Variants in PGBD5 observed in about 807,000 individuals in gnomAD.
PGBD5 encodes the protein piggyBac transposable element-derived protein 5.
PGBD5 carries 14 observed loss-of-function variants against 47.9 expected under a neutral mutation model. The observed-to-expected ratio is 0.29, with a 90% confidence interval of 0.19 to 0.46. PGBD5 has a LOEUF of 0.46. Among genes scored for constraint, PGBD5 ranks in the 20% least tolerant of loss-of-function variants. PGBD5 has a pLI of 1.00. For synonymous variants in PGBD5, 316 were observed against 306.3 expected (o/e 1.03, Z -0.33); for missense variants, 635 against 716.0 (o/e 0.89, Z 1.29).
intron 3 of PGBD5, among the ~76,000 whole-genome samples, chr1:230,339,442 G>A (rs1667377628): frequency 1.3e-5 from 2 of 152,180 alleles, no homozygotes; most frequent in Middle Eastern, 3.2e-3. Flanking sequence ...ACGGCAAACA[G>A]TATGGAAGTT....
intron 3 of PGBD5, among the ~76,000 whole-genome samples, chr1:230,338,049 A>T (rs1667353800): frequency 6.6e-6 from 1 of 152,264 alleles, no homozygotes; most frequent in African/African-American, 2.4e-5. Context: ...GACGACGGTA[A>T]GTCACTGCAA....
intron 1 of PGBD5, among the ~76,000 whole-genome samples, chr1:230,377,177 T>C (rs1668026334): frequency 6.6e-6 from 1 of 152,152 alleles, no homozygotes; most frequent in Admixed American, 6.5e-5. Flanking sequence ...GGTGCTGAGA[T>C]TGACTACCTT....
intron 2 of PGBD5, among the ~76,000 whole-genome samples, chr1:230,354,567 G>A (rs1221513064): frequency 6.6e-6 from 1 of 152,138 alleles, no homozygotes; most frequent in Non-Finnish European, 1.5e-5. Context: ...TTTTACCAAT[G>A]ATAAGACAAT....
chr1:230,347,611 C>G (rs560523290), intron 3 of PGBD5, among the ~76,000 whole-genome samples: 2 of 151,294 alleles, frequency 1.3e-5, no homozygotes, highest in Non-Finnish European at 2.9e-5. Context: ...TCCCAAGTAT[C>G]TGGGATTACA....
intron 1 of PGBD5, among the ~76,000 whole-genome samples, chr1:230,424,733 CAAG>C (rs1195033082): frequency 6.6e-6 from 1 of 152,244 alleles, no homozygotes; most frequent in African/African-American, 2.4e-5. Flanking sequence ...GGCCGTGGAA[CAAG>C]AAATACCAGC....
At chr1:230,396,246 C>CCCACACTCTTCCT (rs1656963503) in intron 1 of PGBD5, among the ~76,000 whole-genome samples, 1 of 15,154 alleles carries the variant, frequency 6.6e-5, no homozygotes, top group Non-Finnish European at 1.2e-4. Context: ...ACACTCCTCC[C>CCCACACTCTTCCT]TTTTACCCCC....
intron 5 of PGBD5, among the ~76,000 whole-genome samples, chr1:230,329,731 A>G (rs1186211042): frequency 6.6e-6 from 1 of 152,266 alleles, no homozygotes; most frequent in African/African-American, 2.4e-5. Context: ...TAAATGGTTT[A>G]GGCACAGAGG....
At chr1:230,394,490 C>T (rs76399037) in intron 1 of PGBD5, among the ~76,000 whole-genome samples, 16,453 of 146,170 alleles carry the variant, frequency 0.11, 1,901 homozygotes, top group African/African-American at 0.29. Flanking sequence ...CCAATCCTCC[C>T]GCTGTGCTTC....
At chr1:230,388,277 G>A (rs1473636647) in intron 1 of PGBD5, among the ~76,000 whole-genome samples, 4 of 152,198 alleles carry the variant, frequency 2.6e-5, no homozygotes, top group African/African-American at 4.8e-5. Context: ...CCACAAGGCT[G>A]AGAGCAGGAC....
At chr1:230,325,683 T>C (rs556339770) in intron 5 of PGBD5, among the ~76,000 whole-genome samples, 1 of 152,040 alleles carries the variant, frequency 6.6e-6, no homozygotes, top group South Asian at 2.1e-4. Flanking sequence ...GCCTCTAGGA[T>C]CCTGGCAGGC....
chr1:230,366,339 G>T (rs994930756), intron 1 of PGBD5, among the ~76,000 whole-genome samples: 1 of 143,146 alleles, frequency 7.0e-6, no homozygotes, highest in Non-Finnish European at 1.5e-5. Flanking sequence ...AGATGGGGCT[G>T]GGGGGTGGTG....
intron 2 of PGBD5, among the ~76,000 whole-genome samples, chr1:230,355,217 C>A (rs1330879289): frequency 6.6e-6 from 1 of 152,232 alleles, no homozygotes; most frequent in Non-Finnish European, 1.5e-5. Flanking sequence ...AGCCACTGCC[C>A]ACCCAGCCAG....
chr1:230,398,643 T>C (rs927165305), intron 1 of PGBD5, among the ~76,000 whole-genome samples: 4 of 152,186 alleles, frequency 2.6e-5, no homozygotes, highest in Non-Finnish European at 5.9e-5. Context: ...ACAGGGGTCT[T>C]GGGCAAGGCC....
At position 230,323,263 on chromosome 1, in the gene PGBD5, T is replaced by A. The variant is rs1191020097; in HGVS notation, c.*162A>T. On this transcript the variant is annotated 3_prime_UTR_variant, in exon 7 of 7. Transcript: ENST00000391860. The surrounding 1 kb of genome is among the most constrained non-coding windows in gnomAD (Gnocchi z 4.1). ...GGAATGCAAATGAGGACAGCAACCG[T>A]CCTCTGACCAGGTCCATCCTGTCCC... The A allele has an allele frequency of 1.4e-6, 1 of 729,152 alleles. No homozygotes were observed. The highest frequency in any genetic ancestry group is 2.2e-6 in the Non-Finnish European group (1 of 457,126). 45.2% of individuals were successfully genotyped at this position (729,152 alleles called of 1,614,324 possible).
At chr1:230,335,124 GACACAT>G (rs1290649662) in intron 4 of PGBD5, among the ~76,000 whole-genome samples, 1 of 113,406 alleles carries the variant, frequency 8.8e-6, no homozygotes, top group African/African-American at 3.3e-5. Flanking sequence ...CACAGATACA[GACACAT>G]ACACATACAT....
At chr1:230,341,671 A>G (rs1571830877) in intron 3 of PGBD5, among the ~76,000 whole-genome samples, 1 of 152,162 alleles carries the variant, frequency 6.6e-6, no homozygotes, top group Non-Finnish European at 1.5e-5. Flanking sequence ...AAAAAGTCAG[A>G]TATCTCCCTA....
intron 1 of PGBD5, among the ~76,000 whole-genome samples, chr1:230,360,705 T>C (rs1221790780): frequency 6.6e-6 from 1 of 152,194 alleles, no homozygotes. Flanking sequence ...AACTGTGAGT[T>C]AATGAAACCT....
intron 4 of PGBD5, 47 bp from the exon 5 acceptor site, chr1:230,333,088 T>A: frequency 1.3e-6 from 2 of 1,539,686 alleles, no homozygotes; most frequent in Middle Eastern, 2.2e-4. Context: ...CCATCGGAGA[T>A]GCCGGCGGCT....
intron 5 of PGBD5, among the ~76,000 whole-genome samples, chr1:230,328,142 C>G (rs1025224048): frequency 6.6e-6 from 1 of 152,236 alleles, no homozygotes; most frequent in Non-Finnish European, 1.5e-5. Context: ...GTCCCCATAG[C>G]CACCGACCTT....
Sources: gnomAD v4.1 joint callset for allele counts (sites outside exome capture counted in the v4.1 genomes callset) on GRCh38, gnomAD v4.1.1 for gene constraint, Gnocchi (gnomAD v3.1) non-coding constraint, MANE v1.5 for transcripts, NCBI Gene and HGNC (gene_info 2026-07-23, HGNC 2026-07-21) for gene names.